Variants in ARFIP2 observed in about 807,000 individuals in gnomAD.
ARFIP2 encodes ARF interacting protein 2, also known as arfaptin-2.
Under a neutral mutation model 39.2 loss-of-function variants are expected in ARFIP2, and 14 were observed. The observed-to-expected ratio is 0.36, with a 90% confidence interval of 0.24 to 0.56. The LOEUF is 0.56. Among genes scored for constraint, ARFIP2 ranks in the 20% least tolerant of loss-of-function variants. The probability of loss-of-function intolerance (pLI) is 0.85; values close to 1 mark genes in which losing one functional copy is unlikely to be tolerated. For missense variants in ARFIP2, 305 were observed against 422.5 expected, an observed-to-expected ratio of 0.72 and a Z score of 2.44; for synonymous variants, 167 against 172.4, an observed-to-expected ratio of 0.97 and a Z score of 0.24.
In ARFIP2 at chr11:6,481,234, G is replaced by C. The variant is rs1340068208; in HGVS notation, c.-46C>G. 3.4e-6 allele frequency: 2 copies of C among 582,756 alleles called. No homozygotes were observed. The highest frequency in any genetic ancestry group is 6.1e-6 in the Non-Finnish European group (2 of 328,532). The allele number at this position is 582,756 out of a possible 1,614,324, so 36.1% of individuals were successfully genotyped here. A position where few individuals can be genotyped will look rare whatever the true frequency, so the allele number is the denominator to read the frequency against. ...CGCCCAAGCATGTTCCTCTCACCTCGGGCCGGGCCGCTCTTCCCCTCAGGG... is the reference window on the plus strand; with the variant it reads ...CGCCCAAGCATGTTCCTCTCACCTCCGGCCGGGCCGCTCTTCCCCTCAGGG... On this transcript the variant is annotated 5_prime_UTR_variant, in exon 1 of 8. Transcript: ENST00000396777.
intron 3 of ARFIP2, 166 bp from the exon 4 acceptor site, chr11:6,479,424 G>A (rs1279148126): frequency 7.1e-7 from 1 of 1,416,532 alleles, no homozygotes; most frequent in South Asian, 1.2e-5. Context: ...TTTGCGCGGT[G>A]AGAACCAAAT....
Position 6,480,422 on chromosome 11 carries a change from G to A in ARFIP2, c.-1C>T, listed in dbSNP as rs1409274180. 2 of 1,608,208 alleles carry A rather than the reference G, an allele frequency of 1.2e-6. No homozygotes were observed. The highest frequency in any genetic ancestry group is 1.7e-6 in the Non-Finnish European group (2 of 1,177,418). Reference sequence around the variant, plus strand: ...CCTTCCCTAGGATCCCGTCCGTCATGGCTAGGAAAGGTATTGGAGTAAAAC... The same window carrying A: ...CCTTCCCTAGGATCCCGTCCGTCATAGCTAGGAAAGGTATTGGAGTAAAAC... On this transcript the variant is annotated 5_prime_UTR_variant, in exon 2 of 8. Coordinates refer to ENST00000396777, the MANE Select transcript of ARFIP2 (RefSeq NM_001376558.2).
chr11:6,480,606 T>G, intron 1 of ARFIP2, 143 bp from the exon 2 acceptor site: 1 of 540,786 alleles, frequency 1.8e-6, no homozygotes, highest in South Asian at 2.5e-5. Context: ...TATATGTATT[T>G]CTCCCCTCCA....
In ARFIP2 at chr11:6,478,934, C is replaced by T. The variant is rs374563605; in HGVS notation, c.341G>A (p.Arg114Gln). The change falls in exon 5 of 8, where the codon CGA becomes CAA. Residue 114 changes from arginine (R) to glutamine (Q), a missense_variant. This residue lies in a region of ARFIP2 where 151 missense variants were observed against 203.1 expected (regional missense o/e 0.74). Transcript: ENST00000396777. This position sits in a 1 kb window ranked among gnomAD's most constrained non-coding sequence, Gnocchi z 4.8. ...CACAGTCCGTGAGCCTCGACCAAATCGTTCTGATAACAGTTGCTTTGTGCA... is the reference window on the plus strand; with the variant it reads ...CACAGTCCGTGAGCCTCGACCAAATTGTTCTGATAACAGTTGCTTTGTGCA... ...YKCTKQLLSERFGRGSRTVDL... is the reference protein window; with the variant it reads ...YKCTKQLLSEQFGRGSRTVDL... The T allele has an allele frequency of 3.1e-6, 5 of 1,614,050 alleles. No homozygotes were observed. In the African/African-American group the frequency reaches 4.0e-5, roughly 13 times the overall value.
In ARFIP2 at chr11:6,477,050, C is replaced by T; in HGVS notation, c.*63G>A. The T allele has an allele frequency of 2.0e-6, 3 of 1,527,208 alleles. No individual in the cohort carries two copies. The highest frequency in any genetic ancestry group is 2.5e-5 in the South Asian group (2 of 80,342). The allele number at this position is 1,527,208 out of a possible 1,614,324, so 94.6% of individuals were successfully genotyped here. A position where few individuals can be genotyped will look rare whatever the true frequency, so the allele number is the denominator to read the frequency against. ...ACAAAGGATGTACCATGTCCAATCTCCCACACCCTGGGGCTGCCCTTCCCA... is the reference window on the plus strand; with the variant it reads ...ACAAAGGATGTACCATGTCCAATCTTCCACACCCTGGGGCTGCCCTTCCCA... On this transcript the variant is annotated 3_prime_UTR_variant, in exon 8 of 8. Transcript: ENST00000396777. The surrounding 1 kb of genome is among the most constrained non-coding windows in gnomAD (Gnocchi z 4.8).
chr11:6,476,719 G>A lies in ARFIP2; in HGVS notation c.*394C>T, dbSNP rs901806949. On this transcript the variant is annotated 3_prime_UTR_variant, in exon 8 of 8. Transcript: ENST00000396777. ...AGAGGAGAGACAAAGGGTATTAGACGCAACATCATTGGCCCAGGGGAGTCC... is the reference window on the plus strand; with the variant it reads ...AGAGGAGAGACAAAGGGTATTAGACACAACATCATTGGCCCAGGGGAGTCC... 2 of 201,846 alleles carry A rather than the reference G, an allele frequency of 9.9e-6. No individual in the cohort carries two copies. Among genetic ancestry groups the A allele is most frequent in the Non-Finnish European group, 2.1e-5 (2 of 96,624 alleles). The allele number at this position is 201,846 out of a possible 1,614,324, so 12.5% of individuals were successfully genotyped here. A position where few individuals can be genotyped will look rare whatever the true frequency, so the allele number is the denominator to read the frequency against.
Position 6,477,845 on chromosome 11 carries a change from C to T in ARFIP2, c.743G>A (p.Gly248Asp). The T allele has an allele frequency of 6.2e-7, 1 of 1,613,958 alleles. No homozygotes were observed. Among genetic ancestry groups the T allele is most frequent in the East Asian group, 2.2e-5 (1 of 44,862 alleles). ...YRTDLEELSL[G>D]PRDAGTRGRL... ...ACCACGTGTCCCTGCATCCCGGGGGCCTAGACTCAGCTCCTCTAAGTCTGT... is the reference window on the plus strand; with the variant it reads ...ACCACGTGTCCCTGCATCCCGGGGGTCTAGACTCAGCTCCTCTAAGTCTGT... The change falls in exon 7 of 8, where the codon GGC (glycine) becomes GAC (aspartate). Residue 248 changes from glycine to aspartate, a missense_variant. Gly to Asp is a moderately conservative substitution (Grantham distance 94, BLOSUM62 -1). Transcript: ENST00000396777. The surrounding 1 kb of genome is among the most constrained non-coding windows in gnomAD (Gnocchi z 4.8).
chr11:6,479,146 G>A lies in ARFIP2; in HGVS notation c.309C>T (p.Thr103=). The part of the protein sequence containing the change: ...FDIVKKWGIN[T]YKCTKQLLSE... ...AGAGGTGCTTAAATCCTACCTTATA[G>A]GTGTTGATGCCCCATTTCTTGACGA... The change falls in exon 4 of 8, where the codon ACC becomes ACT. Residue 103 remains threonine (T), a synonymous_variant. Coordinates refer to ENST00000396777, the MANE Select transcript of ARFIP2 (RefSeq NM_001376558.2). 1 of 1,614,078 alleles carries A rather than the reference G, an allele frequency of 6.2e-7. No individual in the cohort carries two copies. The highest frequency in any genetic ancestry group is 8.5e-7 in the Non-Finnish European group (1 of 1,179,988).
Position 6,477,133 on chromosome 11 carries a change from A to G in ARFIP2, c.1006T>C (p.Ser336Pro). 1 of 1,611,248 alleles carries G rather than the reference A, an allele frequency of 6.2e-7. No individual in the cohort carries two copies. The highest frequency in any genetic ancestry group is 1.1e-5 in the South Asian group (1 of 90,340). ...GCAGCTCACTGCTCCTCTAGCCAGG[A>G]GGGTTTCTCAGCTCCTGGAGGCCGC... is the stretch of plus-strand genomic sequence containing the variant. The part of the protein sequence containing the change: ...KLRPPGAEKP[S>P]WLEEQ Residue 336 changes from serine to proline, a missense_variant, in exon 8 of 8, where the codon TCC becomes CCC. Coordinates refer to ENST00000396777, the MANE Select transcript of ARFIP2 (RefSeq NM_001376558.2). This position sits in a 1 kb window ranked among gnomAD's most constrained non-coding sequence, Gnocchi z 4.8.
In ARFIP2 at chr11:6,477,670, T is replaced by C. The variant is rs367714563; in HGVS notation, c.870+48A>G. 2 of 1,594,332 alleles carry C rather than the reference T, an allele frequency of 1.3e-6. No individual in the cohort carries two copies. The highest frequency in any genetic ancestry group is 8.6e-7 in the Non-Finnish European group (1 of 1,167,416). ...GGGGAGGGTCTGAGGGGAAGGTTAG[T>C]GTTACAGATGGAAAGGTGGGCTAGG... is the stretch of plus-strand genomic sequence containing the variant. On this transcript the variant is annotated intron_variant, in intron 7 of 7. Coordinates refer to ENST00000396777, the MANE Select transcript of ARFIP2 (RefSeq NM_001376558.2). The surrounding 1 kb of genome is among the most constrained non-coding windows in gnomAD (Gnocchi z 4.8).
At chr11:6,479,058 G>A (rs1203165458) in intron 4 of ARFIP2, 82 bp downstream of exon 4, 15 of 1,580,050 alleles carry the variant, frequency 9.5e-6, no homozygotes, top group East Asian at 9.0e-5. Flanking sequence ...CTCAGCCACA[G>A]ATGGGATATT....
In ARFIP2 at chr11:6,477,773, T is replaced by A. The variant is rs1183769233; in HGVS notation, c.815A>T (p.Tyr272Phe). 3 of 1,613,966 alleles carry A rather than the reference T, an allele frequency of 1.9e-6. No individual in the cohort carries two copies. Among genetic ancestry groups the A allele is most frequent in the East Asian group, 4.5e-5 (2 of 44,868 alleles). Residue 272 changes from tyrosine to phenylalanine, a missense_variant, in exon 7 of 8, where the codon TAT becomes TTT. By Grantham distance (22) the Tyr-to-Phe change is conservative. Around this residue, in one of 3 missense-constraint regions of ARFIP2, gnomAD observed 112 missense variants for 118.2 expected, o/e 0.95. Transcript: ENST00000396777. The surrounding 1 kb of genome is among the most constrained non-coding windows in gnomAD (Gnocchi z 4.8). ...QATFQAHRDK[Y>F]EKLRGDVAIK... Reference sequence around the variant, plus strand: ...GGCCACATCTCCCCGCAGCTTCTCATACTTGTCCCGATGGGCCTGGAAAGT... The same window carrying A: ...GGCCACATCTCCCCGCAGCTTCTCAAACTTGTCCCGATGGGCCTGGAAAGT...
In ARFIP2 at chr11:6,476,894, A is replaced by G. The variant is rs900877496; in HGVS notation, c.*219T>C. 6.0e-6 allele frequency: 3 copies of G among 504,188 alleles called. No homozygotes were observed. The highest frequency in any genetic ancestry group is 6.4e-5 in the South Asian group (2 of 31,414). 31.2% of individuals were successfully genotyped at this position (504,188 alleles called of 1,614,324 possible). A position where few individuals can be genotyped will look rare whatever the true frequency, so the allele number is the denominator to read the frequency against. On this transcript the variant is annotated 3_prime_UTR_variant, in exon 8 of 8. Transcript: ENST00000396777. ...GTGGAAGGAAAAGATCTGGGAATGAAGCCCTGTGGCCAGGAAGATAGACAG... is the reference window on the plus strand; with the variant it reads ...GTGGAAGGAAAAGATCTGGGAATGAGGCCCTGTGGCCAGGAAGATAGACAG...
rs1228796436 is a variant in ARFIP2, at chr11:6,477,633, TCA to T, written c.870+83_870+84del. On this transcript the variant is annotated intron_variant, in intron 7 of 7. Transcript: ENST00000396777. The surrounding 1 kb of genome is among the most constrained non-coding windows in gnomAD (Gnocchi z 4.8). ...TACTCCCCAGCTAGGCTGCATTTCC[TCA>T]TTCAATAATGGGGAGGGTCTGAGGG... 4.1e-6 allele frequency: 6 copies of T among 1,468,672 alleles called. No homozygotes were observed. The highest frequency in any genetic ancestry group is 2.8e-5 in the African/African-American group (2 of 71,716). The allele number at this position is 1,468,672 out of a possible 1,614,324, so 91.0% of individuals were successfully genotyped here.
chr11:6,478,106 G>A lies in ARFIP2; in HGVS notation c.630C>T (p.Ile210=). ...LGAVNFFVSS[I]NTLVTKTMED... is the part of the protein sequence containing the mutation. ...CCATGGTCTTGGTGACCAATGTGTT[G>A]ATGCTAGAGACAAAGAAGTTCACGG... The change falls in exon 6 of 8, where the codon ATC becomes ATT. Residue 210 remains isoleucine, a synonymous_variant. Transcript: ENST00000396777. The surrounding 1 kb of genome is among the most constrained non-coding windows in gnomAD (Gnocchi z 4.8). The A allele has an allele frequency of 2.5e-6, 4 of 1,614,092 alleles. No individual in the cohort carries two copies. Among genetic ancestry groups the A allele is most frequent in the Admixed American group, 1.7e-5 (1 of 60,024 alleles).
intron 1 of ARFIP2, chr11:6,480,801 A>T (rs1024224559): frequency 5.1e-6 from 1 of 194,360 alleles, no homozygotes; most frequent in African/African-American, 2.4e-5. Flanking sequence ...GCTCTCTTAG[A>T]ACTTATCTCC....
In ARFIP2 at chr11:6,478,064, A is replaced by G; in HGVS notation, c.672T>C (p.Thr224=). 1 of 1,614,060 alleles carries G rather than the reference A, an allele frequency of 6.2e-7. No homozygotes were observed. Among genetic ancestry groups the G allele is most frequent in the Non-Finnish European group, 8.5e-7 (1 of 1,179,978 alleles). Residue 224 remains threonine (T), a synonymous_variant, in exon 6 of 8, where the codon ACT becomes ACC. Coordinates refer to ENST00000396777, the MANE Select transcript of ARFIP2 (RefSeq NM_001376558.2). The surrounding 1 kb of genome is among the most constrained non-coding windows in gnomAD (Gnocchi z 4.8). ...ACCTGGCAGCCTCATACTGTTTCAC[A>G]GTCATGAGCGTGTCTTCCATGGTCT... ...VTKTMEDTLM[T]VKQYEAARLE... is the part of the protein sequence containing the mutation.
In ARFIP2 at chr11:6,476,760, T is replaced by C. The variant is rs575197455; in HGVS notation, c.*353A>G. 10 of 236,514 alleles carry C rather than the reference T, an allele frequency of 4.2e-5. No individual in the cohort carries two copies. The highest frequency in any genetic ancestry group is 2.2e-4 in the African/African-American group (10 of 44,830). 14.7% of individuals were successfully genotyped at this position (236,514 alleles called of 1,614,324 possible). Reference sequence around the variant, plus strand: ...AGGGGAGTCCGAGAAGAGCTGCCATTGGCTGACAGGGCATTTTCAGGCTCT... The same window carrying C: ...AGGGGAGTCCGAGAAGAGCTGCCATCGGCTGACAGGGCATTTTCAGGCTCT... On this transcript the variant is annotated 3_prime_UTR_variant, in exon 8 of 8. Coordinates refer to ENST00000396777, the MANE Select transcript of ARFIP2 (RefSeq NM_001376558.2).
Position 6,480,184 on chromosome 11 carries a change from A to C in ARFIP2, c.100-116T>G, listed in dbSNP as rs144905004. ...AAGATAGTACACAAGGGAAGTCTGC[A>C]CAGAATCAAAATGATACGTAAAAAG... On this transcript the variant is annotated intron_variant, in intron 2 of 7. Coordinates refer to ENST00000396777, the MANE Select transcript of ARFIP2 (RefSeq NM_001376558.2). 612 of 1,286,148 alleles carry C rather than the reference A, an allele frequency of 4.8e-4. 1 individual carries two copies. Among genetic ancestry groups the C allele is most frequent in the African/African-American group, 4.1e-3 (277 of 67,642 alleles). The allele number at this position is 1,286,148 out of a possible 1,614,324, so 79.7% of individuals were successfully genotyped here.
Sources: gnomAD v4.1 joint callset for allele counts on GRCh38, gnomAD v4.1.1 for gene constraint, gnomAD v4.1.1 regional missense constraint, Gnocchi (gnomAD v3.1) non-coding constraint, MANE v1.5 for transcripts, NCBI Gene and HGNC (gene_info 2026-07-23, HGNC 2026-07-21) for gene names.